CCDC178: variants seen among roughly 807,000 people sequenced by gnomAD.
CCDC178 encodes the protein coiled-coil domain containing 178, also known as coiled-coil domain-containing protein 178.
A neutral mutation model predicts 117.4 loss-of-function variants in CCDC178; 126 were observed. The ratio of observed to expected loss-of-function variants is 1.07; its 90% CI spans 0.93 to 1.24. The LOEUF is 1.24. Ranked by LOEUF, CCDC178 falls within the 50% of genes most tolerant of loss-of-function variation. The pLI, the probability that CCDC178 is intolerant of heterozygous loss-of-function variation, is 0.00. For missense variants in CCDC178, 1,030 were observed against 986.9 expected, an observed-to-expected ratio of 1.04 and a Z score of -0.59; for synonymous variants, 283 against 313.4, an observed-to-expected ratio of 0.90 and a Z score of 1.02.
chr18:33,335,207 C>T (rs917779206), intron 9 of CCDC178, among the ~76,000 whole-genome samples: 9 of 151,974 alleles, frequency 5.9e-5, no homozygotes, highest in Non-Finnish European at 1.2e-4. Context: ...TAAACTCATA[C>T]ACTTTGATAA....
At chr18:33,025,986 A>G (rs1245813837) in intron 21 of CCDC178, among the ~76,000 whole-genome samples, 1 of 152,118 alleles carries the variant, frequency 6.6e-6, no homozygotes, top group Non-Finnish European at 1.5e-5. Context: ...CCAACAAGTG[A>G]ATGGTTAAAC....
intron 2 of CCDC178, among the ~76,000 whole-genome samples, chr18:33,414,691 T>C (rs935063669): frequency 6.6e-6 from 1 of 152,156 alleles, no homozygotes; most frequent in Admixed American, 6.5e-5. Flanking sequence ...AAAGCCGAAA[T>C]TGACAAATGG....
intron 2 of CCDC178, among the ~76,000 whole-genome samples, chr18:33,430,084 C>T (rs1302779087): frequency 6.6e-6 from 1 of 152,128 alleles, no homozygotes; most frequent in African/African-American, 2.4e-5. Context: ...TCAGATATAT[C>T]TGTATCTACA....
chr18:33,140,624 T>A (rs897495893), intron 20 of CCDC178, among the ~76,000 whole-genome samples: 13 of 152,218 alleles, frequency 8.5e-5, no homozygotes, highest in Admixed American at 3.3e-4. Context: ...ATTTACCCAA[T>A]GTCTGTACCC....
At chr18:33,250,942 C>T (rs1203762802) in intron 14 of CCDC178, among the ~76,000 whole-genome samples, 1 of 151,272 alleles carries the variant, frequency 6.6e-6, no homozygotes, top group Non-Finnish European at 1.5e-5. Flanking sequence ...GAAATTATAT[C>T]CAAAATGTCA....
chr18:32,981,647 G>GGGTATC (rs1199697365), intron 21 of CCDC178, among the ~76,000 whole-genome samples: 1 of 152,138 alleles, frequency 6.6e-6, no homozygotes, highest in Admixed American at 6.5e-5. Flanking sequence ...TGTTTGTTAA[G>GGGTATC]GGTATCCTAT....
At chr18:33,430,646 G>T (rs2064200046) in intron 2 of CCDC178, among the ~76,000 whole-genome samples, 1 of 152,184 alleles carries the variant, frequency 6.6e-6, no homozygotes, top group Admixed American at 6.5e-5. Context: ...ATGAAGGAAA[G>T]CTGCCTTAAC....
intron 17 of CCDC178, among the ~76,000 whole-genome samples, chr18:33,224,547 A>G (rs1359114885): frequency 6.6e-6 from 1 of 152,164 alleles, no homozygotes; most frequent in East Asian, 1.9e-4. Flanking sequence ...CACGCACTTG[A>G]AACCTGCTTT....
At chr18:33,064,134 A>T (rs1215563000) in intron 21 of CCDC178, among the ~76,000 whole-genome samples, 1 of 152,254 alleles carries the variant, frequency 6.6e-6, no homozygotes, top group African/African-American at 2.4e-5. Context: ...GAGAAAGCAA[A>T]ATAGGAAAAA....
chr18:33,256,935 CT>C lies in CCDC178; in HGVS notation c.1409+9980del, dbSNP rs550835679. On this transcript the variant is annotated intron_variant, in intron 14 of 22. Coordinates refer to ENST00000383096, the MANE Select transcript of CCDC178 (RefSeq NM_001105528.4). ...TTTTGTTCCCATTAACTATTTAAAA[CT>C]TAGATAGAATAAATCTCATAATTGT... Among the ~76,000 whole-genome samples, 27 of 152,140 alleles carry C rather than the reference CT, an allele frequency of 1.8e-4. No individual in the cohort carries two copies. The East Asian group carries it at 4.9e-3, about 27-fold the overall frequency.
intron 22 of CCDC178, among the ~76,000 whole-genome samples, chr18:32,968,922 T>C (rs981361318): frequency 6.6e-6 from 1 of 152,008 alleles, no homozygotes; most frequent in African/African-American, 2.4e-5. Context: ...TTTCCAGAAA[T>C]AGGAAACTAT....
chr18:33,064,414 T>C (rs1014499763), intron 21 of CCDC178, among the ~76,000 whole-genome samples: 2 of 152,170 alleles, frequency 1.3e-5, no homozygotes, highest in African/African-American at 4.8e-5. Flanking sequence ...AACAATACCA[T>C]TGAGCACTCC....
intron 11 of CCDC178, among the ~76,000 whole-genome samples, chr18:33,321,062 T>C (rs2062501643): frequency 6.6e-6 from 1 of 152,180 alleles, no homozygotes. Flanking sequence ...ACTGGATCCC[T>C]TCCTTACACC....
chr18:32,942,483 A>G (rs994677924), intron 22 of CCDC178, among the ~76,000 whole-genome samples: 1 of 152,056 alleles, frequency 6.6e-6, no homozygotes, highest in Non-Finnish European at 1.5e-5. Flanking sequence ...TTTTTCATGG[A>G]AAGTTTTTTT....
chr18:33,007,507 C>T (rs1415372831), intron 21 of CCDC178, among the ~76,000 whole-genome samples: 1 of 151,916 alleles, frequency 6.6e-6, no homozygotes, highest in East Asian at 1.9e-4. Flanking sequence ...AGTTCTGCAG[C>T]TTGTCTCACT....
At chr18:33,355,246 T>C (rs2063037380) in intron 7 of CCDC178, among the ~76,000 whole-genome samples, 1 of 152,206 alleles carries the variant, frequency 6.6e-6, no homozygotes, top group Non-Finnish European at 1.5e-5. Context: ...CTGTCTGTAG[T>C]GGGTTATTGT....
intron 6 of CCDC178, among the ~76,000 whole-genome samples, chr18:33,369,477 A>G (rs139203546): frequency 3.4e-4 from 51 of 152,122 alleles, no homozygotes; most frequent in African/African-American, 1.2e-3. Flanking sequence ...AGTTGTTCAG[A>G]AATATAATCT....
At chr18:33,271,780 CAT>C (rs1308691079) in intron 12 of CCDC178, among the ~76,000 whole-genome samples, 4 of 151,400 alleles carry the variant, frequency 2.6e-5, no homozygotes, top group African/African-American at 9.7e-5. Context: ...AAATTCAAAA[CAT>C]ATGGACATTA....
chr18:33,362,450 G>A (rs796179280), intron 6 of CCDC178, among the ~76,000 whole-genome samples: 3 of 151,800 alleles, frequency 2.0e-5, no homozygotes, highest in African/African-American at 7.2e-5. Flanking sequence ...CAAAGCAGCA[G>A]ATATGGAAAA....
Sources: gnomAD v4.1 joint callset for allele counts (sites outside exome capture counted in the v4.1 genomes callset) on GRCh38, gnomAD v4.1.1 for gene constraint, MANE v1.5 for transcripts, NCBI Gene and HGNC (gene_info 2026-07-23, HGNC 2026-07-21) for gene names.